FIS1: variants seen among roughly 807,000 people sequenced by gnomAD.
FIS1 encodes the protein fission, mitochondrial 1, also known as mitochondrial fission 1 protein.
In FIS1, 16 loss-of-function variants were observed where a neutral mutation model predicts 21.6. That is an observed-to-expected ratio of 0.74 (90% CI 0.50 to 1.12). FIS1 has a LOEUF of 1.12. FIS1 is among the 50% of genes most tolerant of loss of function. FIS1 has a pLI of 0.00. For synonymous variants in FIS1, 92 were observed against 82.2 expected (o/e 1.12, Z -0.65); for missense variants, 198 against 190.9 (o/e 1.04, Z -0.22).
At chr7:101,242,505 T>C (rs1318275446) in intron 2 of FIS1, among the ~76,000 whole-genome samples, 1 of 149,784 alleles carries the variant, frequency 6.7e-6, no homozygotes, top group Non-Finnish European at 1.5e-5. Context: ...TTTTTTTTTT[T>C]TGAGACGGAG....
At chr7:101,240,026 C>T (rs1339317667) in intron 4 of FIS1, 116 bp downstream of exon 4, 1 of 1,426,342 alleles carries the variant, frequency 7.0e-7, no homozygotes, top group Non-Finnish European at 9.8e-7. Flanking sequence ...GCAAGGGGCT[C>T]TAAGAACTGG....
rs780696332 is a variant in FIS1, at chr7:101,240,180, T to C, written c.323A>G (p.Lys108Arg). 15 of 1,614,126 alleles carry C rather than the reference T, an allele frequency of 9.3e-6. No individual in the cohort carries two copies. In the Admixed American group the frequency reaches 2.3e-4, roughly 25 times the overall value. Residue 108 changes from lysine to arginine, a missense_variant, in exon 4 of 5, where the codon AAG becomes AGG. Lys to Arg is a conservative substitution (Grantham distance 26). Transcript: ENST00000223136. Reference sequence around the variant, plus strand: ...CTTGTCAATGAGCCGCTCCAGTTCCTTGGCCTGGTTGTTCTGGGGCTCTGT... The same window carrying C: ...CTTGTCAATGAGCCGCTCCAGTTCCCTGGCCTGGTTGTTCTGGGGCTCTGT... ...LQTEPQNNQA[K>R]ELERLIDKAM...
intron 2 of FIS1, 109 bp from the exon 3 acceptor site, chr7:101,241,015 G>T: frequency 9.2e-7 from 1 of 1,085,204 alleles, no homozygotes; most frequent in East Asian, 2.5e-5. Context: ...GATCCTGGGA[G>T]GGTCACAGTC....
Position 101,239,829 on chromosome 7 carries a change from C to A in FIS1, c.436G>T (p.Ala146Ser). The A allele has an allele frequency of 3.8e-6, 6 of 1,596,812 alleles. No homozygotes were observed. The highest frequency in any genetic ancestry group is 5.1e-6 in the Non-Finnish European group (6 of 1,171,520). ...CTTCAGGATTTGGACTTGGACACAG[C>A]AAGTCCGATGAGTCCGGCCAGTCCC... Reference protein sequence around the residue: ...VAGLAGLIGLAVSKSKS With the variant: ...VAGLAGLIGLSVSKSKS Residue 146 changes from alanine to serine, a missense_variant, in exon 5 of 5, where the codon GCT becomes TCT. Coordinates refer to ENST00000223136, the MANE Select transcript of FIS1 (RefSeq NM_016068.3).
At chr7:101,240,330 GCT>G (rs1043179910) in intron 3 of FIS1, 83 bp from the exon 4 acceptor site, 2 of 1,416,214 alleles carry the variant, frequency 1.4e-6, no homozygotes, top group African/African-American at 2.8e-5. Context: ...ACGGGGTCTT[GCT>G]CTGTTGCCCA....
intron 2 of FIS1, among the ~76,000 whole-genome samples, chr7:101,242,794 T>C (rs1798766602): frequency 6.6e-6 from 1 of 152,022 alleles, no homozygotes; most frequent in Non-Finnish European, 1.5e-5. Flanking sequence ...GCCATTTTTA[T>C]AGATTTTCAA....
At chr7:101,243,877 A>G (rs1344666205) in intron 2 of FIS1, 130 bp downstream of exon 2, 7 of 1,205,876 alleles carry the variant, frequency 5.8e-6, no homozygotes, top group Non-Finnish European at 6.7e-6. Context: ...GTTCACTGGG[A>G]GACGTCAAGC....
At chr7:101,243,441 T>C (rs1008716138) in intron 2 of FIS1, among the ~76,000 whole-genome samples, 2 of 152,086 alleles carry the variant, frequency 1.3e-5, no homozygotes, top group African/African-American at 2.4e-5. Flanking sequence ...CTGGGCGTGG[T>C]AGTGGGCACC....
chr7:101,244,144 C>T lies in FIS1; in HGVS notation c.46-5G>A, dbSNP rs756921213. On this transcript the variant is annotated splice_region_variant and splice_polypyrimidine_tract_variant and intron_variant, in intron 1 of 4. Coordinates refer to ENST00000223136, the MANE Select transcript of FIS1 (RefSeq NM_016068.3). ...CTGAAATTTCTTTTCAAACTTCTGC[C>T]ACAGGGGAGGAAAGGAATCATTTAG... 1.2e-6 allele frequency: 2 copies of T among 1,612,648 alleles called. No individual in the cohort carries two copies. The highest frequency in any genetic ancestry group is 2.2e-5 in the South Asian group (2 of 90,914).
chr7:101,243,805 T>C (rs1798778002), intron 2 of FIS1, among the ~76,000 whole-genome samples: 1 of 152,150 alleles, frequency 6.6e-6, no homozygotes, highest in Admixed American at 6.6e-5. Flanking sequence ...AAGACAGTCC[T>C]GGGGGAACTG....
chr7:101,239,568 C>G lies in FIS1; in HGVS notation c.*238G>C. On this transcript the variant is annotated 3_prime_UTR_variant, in exon 5 of 5. Transcript: ENST00000223136. ...GGAGTGACGTCTCCGCCCCCTGTGC[C>G]CAGCGTTCAGAACCCACCCCTCCCC... is the stretch of plus-strand genomic sequence containing the variant. 1.7e-6 allele frequency: 1 copy of G among 589,584 alleles called. No homozygotes were observed. Among genetic ancestry groups the G allele is most frequent in the Admixed American group, 2.4e-5 (1 of 40,932 alleles). The allele number at this position is 589,584 out of a possible 1,614,324, so 36.5% of individuals were successfully genotyped here.
intron 3 of FIS1, 49 bp downstream of exon 3, chr7:101,240,781 G>A: frequency 6.4e-7 from 1 of 1,568,492 alleles, no homozygotes; most frequent in African/African-American, 1.3e-5. Flanking sequence ...ACAGTAAGAA[G>A]GTCCTGCAGC....
intron 3 of FIS1, 91 bp downstream of exon 3, chr7:101,240,738 CT>C (rs1767486308): frequency 7.8e-7 from 1 of 1,273,980 alleles, no homozygotes; most frequent in South Asian, 1.2e-5. Flanking sequence ...CCCCTTCAGC[CT>C]TCCCGCTGTC....
rs774070996 is a variant in FIS1, at chr7:101,244,093, G to C, written c.92C>G (p.Ser31Cys). 1.9e-5 allele frequency: 31 copies of C among 1,613,942 alleles called. No individual in the cohort carries two copies. Among genetic ancestry groups the C allele is most frequent in the Non-Finnish European group, 7.6e-6 (9 of 1,179,974 alleles). The stretch of plus-strand genomic sequence containing the variant: ...GGCGTACTCAAACTGCGTGCTCTTG[G>C]ACACCGAGCCTGCTGCCTTCTCAGA... ...FQSEKAAGSV[S>C]KSTQFEYAWC... Residue 31 changes from serine (S) to cysteine (C), a missense_variant, in exon 2 of 5, where the codon TCC becomes TGC. Physicochemically the swap from Ser to Cys is moderately radical, Grantham distance 112 (BLOSUM62 -1). Transcript: ENST00000223136.
intron 2 of FIS1, chr7:101,241,132 T>C: frequency 1.7e-6 from 1 of 578,216 alleles, no homozygotes. Flanking sequence ...ATGCCTTTTA[T>C]CAGTATTACA....
rs1798765281 is a variant in FIS1, at chr7:101,242,661, G to A, written c.178+1346C>T. On this transcript the variant is annotated intron_variant, in intron 2 of 4. Transcript: ENST00000223136. ...GCGCCACCAGGCCCAGCTAATTTTT[G>A]TATTTTTAGTAGAGACAGGGTTTCA... is the stretch of plus-strand genomic sequence containing the variant. Among the ~76,000 whole-genome samples the A allele has an allele frequency of 2.0e-5, 3 of 151,862 alleles. No individual in the cohort carries two copies. The South Asian group carries it at 6.2e-4, about 31-fold the overall frequency.
At chr7:101,242,638 G>A (rs1035741605) in intron 2 of FIS1, among the ~76,000 whole-genome samples, 8 of 151,928 alleles carry the variant, frequency 5.3e-5, no homozygotes, top group Non-Finnish European at 8.8e-5. Context: ...AAAGGTGTGC[G>A]CCACCAGGCC....
chr7:101,244,153 G>A lies in FIS1; in HGVS notation c.46-14C>T, dbSNP rs747377781. 2 of 1,611,416 alleles carry A rather than the reference G, an allele frequency of 1.2e-6. No homozygotes were observed. Among genetic ancestry groups the A allele is most frequent in the South Asian group, 1.1e-5 (1 of 90,804 alleles). ...CTTTTCAAACTTCTGCCACAGGGGA[G>A]GAAAGGAATCATTTAGAAATGTAGG... On this transcript the variant is annotated splice_polypyrimidine_tract_variant and intron_variant, in intron 1 of 4. Coordinates refer to ENST00000223136, the MANE Select transcript of FIS1 (RefSeq NM_016068.3).
At chr7:101,244,785 T>A (rs1798793776) in intron 1 of FIS1, 175 bp downstream of exon 1, 1 of 711,924 alleles carries the variant, frequency 1.4e-6, no homozygotes. Flanking sequence ...CCCAGGAGCC[T>A]CTGCGGCATA....
Sources: allele counts gnomAD v4.1 joint callset (sites outside exome capture counted in the v4.1 genomes callset), GRCh38; gene constraint gnomAD v4.1.1; transcripts MANE v1.5; gene names NCBI Gene and HGNC (gene_info 2026-07-23, HGNC 2026-07-21).